RPS29: variants seen among roughly 807,000 people sequenced by gnomAD.
The protein encoded by RPS29 is ribosomal protein S29, also known as small ribosomal subunit protein uS14.
For synonymous variants in RPS29, 37 were observed against 26.9 expected (o/e 1.37, Z -1.16); for missense variants, 60 against 75.7 (o/e 0.79, Z 0.77).
At chr14:49,583,808 A>G (rs1342291977) in intron 2 of RPS29, 133 bp from the exon 3 acceptor site, 4 of 570,524 alleles carry the variant, frequency 7.0e-6, no homozygotes, top group Non-Finnish European at 1.3e-5. Flanking sequence ...ACCACACCAG[A>G]TTCTATGTAG....
At chr14:49,591,777 T>C (rs1294158889) in intron 1 of RPS29, among the ~76,000 whole-genome samples, 4 of 151,740 alleles carry the variant, frequency 2.6e-5, no homozygotes, top group African/African-American at 7.3e-5. Flanking sequence ...CCCACCACCA[T>C]GGCTGGCTAA....
chr14:49,574,308 C>T (rs1017676237), exon 3 of RPS29: 71 of 152,330 alleles, frequency 4.7e-4, no homozygotes, highest in African/African-American at 1.5e-3. Context: ...GGTACTTACA[C>T]TCTTACAACA....
intron 1 of RPS29, chr14:49,598,087 A>T: frequency 3.1e-6 from 1 of 326,690 alleles, no homozygotes. Context: ...AGTTGTATTG[A>T]AAAATCGGTA....
chr14:49,576,467 T>C (rs1881183182), exon 3 of RPS29: 1 of 152,160 alleles, frequency 6.6e-6, no homozygotes, highest in Non-Finnish European at 1.5e-5. Context: ...TTCTTAATCA[T>C]ACCACTAGAA....
exon 3 of RPS29, chr14:49,572,651 C>T (rs559761033): frequency 1.3e-5 from 2 of 152,202 alleles, no homozygotes; most frequent in Admixed American, 6.5e-5. Context: ...ATGAAGGACA[C>T]AAATGAGAAG....
In RPS29 at chr14:49,586,363, C is replaced by G. The variant is rs1435402660; in HGVS notation, c.-17G>C. ...GTGACCCATCTTGCTCTCAGCAGTG[C>G]AACGAGGTAAAAGGAAGAAGCTGGC... On this transcript the variant is annotated 5_prime_UTR_variant, in exon 1 of 3. Coordinates refer to ENST00000245458, the MANE Select transcript of RPS29 (RefSeq NM_001032.5). 1.2e-6 allele frequency: 2 copies of G among 1,613,046 alleles called. No individual in the cohort carries two copies. Among genetic ancestry groups the G allele is most frequent in the East Asian group, 2.2e-5 (1 of 44,882 alleles).
At chr14:49,591,468 C>T (rs1404003727) in intron 1 of RPS29, among the ~76,000 whole-genome samples, 3 of 151,490 alleles carry the variant, frequency 2.0e-5, no homozygotes, top group African/African-American at 7.3e-5. Context: ...CATGTCACCA[C>T]ACCCAGCTAA....
At chr14:49,594,008 A>T (rs7160144) in intron 1 of RPS29, among the ~76,000 whole-genome samples, 29,224 of 152,170 alleles carry the variant, frequency 0.19, 3,071 homozygotes, top group Admixed American at 0.28. Flanking sequence ...GGTCATGGTC[A>T]AATAGTGTAC....
chr14:49,581,867 A>G (rs1566478771), downstream of RPS29, among the ~76,000 whole-genome samples: 1 of 152,008 alleles, frequency 6.6e-6, no homozygotes, highest in Non-Finnish European at 1.5e-5. Flanking sequence ...TACTAAAAAC[A>G]CAAAATATTA....
intron 1 of RPS29, 80 bp from the exon 2 acceptor site, chr14:49,586,129 G>A (rs566986592): frequency 5.0e-5 from 72 of 1,436,582 alleles, no homozygotes; most frequent in Non-Finnish European, 6.5e-5. Flanking sequence ...CCCGCATCCC[G>A]GGACTCCCAA....
In RPS29 at chr14:49,583,690, G is replaced by C. The variant is rs1174256778; in HGVS notation, c.163-15C>G. 7.6e-7 allele frequency: 1 copy of C among 1,309,936 alleles called. No individual in the cohort carries two copies. Among genetic ancestry groups the C allele is most frequent in the Non-Finnish European group, 1.1e-6 (1 of 921,454 alleles). 81.1% of individuals were successfully genotyped at this position (1,309,936 alleles called of 1,614,324 possible). On this transcript the variant is annotated splice_polypyrimidine_tract_variant and intron_variant, in intron 2 of 2. Transcript: ENST00000245458. ...ATTTAGTCCAACTGAAAAAAAAAAAGCAGATGATTTATTTCAAAATGCTTT... is the reference window on the plus strand; with the variant it reads ...ATTTAGTCCAACTGAAAAAAAAAAACCAGATGATTTATTTCAAAATGCTTT...
exon 3 of RPS29, chr14:49,576,230 T>C (rs1594566013): frequency 4.6e-5 from 7 of 151,858 alleles, no homozygotes; most frequent in Admixed American, 2.0e-4. Context: ...ACTACAGACA[T>C]GCACCACCAC....
intron 1 of RPS29, among the ~76,000 whole-genome samples, chr14:49,591,876 T>C (rs1237351379): frequency 6.6e-6 from 1 of 152,010 alleles, no homozygotes; most frequent in Non-Finnish European, 1.5e-5. Flanking sequence ...TGCCTCGGCC[T>C]CCCAAAGTGC....
intron 1 of RPS29, among the ~76,000 whole-genome samples, chr14:49,594,499 T>A (rs1881779926): frequency 1.3e-5 from 2 of 152,202 alleles, no homozygotes. Context: ...TAGTAAATAA[T>A]CGTGGAAACA....
At chr14:49,573,978 C>G (rs1881117309) in exon 3 of RPS29, 1 of 152,188 alleles carries the variant, frequency 6.6e-6, no homozygotes, top group African/African-American at 2.4e-5. Context: ...TTATTTTAGT[C>G]TCTTGTTGAT....
chr14:49,583,086 ACT>A (rs1484045642), downstream of RPS29, among the ~76,000 whole-genome samples: 1 of 151,740 alleles, frequency 6.6e-6, no homozygotes, highest in Non-Finnish European at 1.5e-5. Context: ...CAATCCTTCC[ACT>A]CTGACCTCCC....
chr14:49,572,308 A>G (rs1325167721), exon 3 of RPS29: 2 of 152,292 alleles, frequency 1.3e-5, no homozygotes, highest in Non-Finnish European at 1.5e-5. Flanking sequence ...TGGCATCAAA[A>G]GTGAGGACAA....
At chr14:49,579,334 C>A (rs1286127531), downstream of RPS29, among the ~76,000 whole-genome samples, 1 of 152,200 alleles carries the variant, frequency 6.6e-6, no homozygotes, top group East Asian at 1.9e-4. Context: ...AAATAAATGT[C>A]TGTTATTTAA....
intron 1 of RPS29, among the ~76,000 whole-genome samples, chr14:49,593,583 C>T (rs761927091): frequency 2.7e-5 from 4 of 145,992 alleles, no homozygotes; most frequent in Non-Finnish European, 4.5e-5. Context: ...ATCCCAGCTA[C>T]TCAGGAGGCT....
Sources: gnomAD v4.1 joint callset for allele counts (sites outside exome capture counted in the v4.1 genomes callset) on GRCh38, gnomAD v4.1.1 for gene constraint, MANE v1.5 for transcripts, NCBI Gene and HGNC (gene_info 2026-07-23, HGNC 2026-07-21) for gene names.